The following CSMD1 variants were observed in gnomAD, a reference collection of about 807,000 sequenced individuals.
CSMD1 encodes the protein CUB and Sushi multiple domains 1, also known as CUB and sushi domain-containing protein 1.
CSMD1 carries 213 observed loss-of-function variants against 417.5 expected under a neutral mutation model. The observed-to-expected ratio is 0.51, with a 90% CI of 0.46 to 0.57. The LOEUF (loss-of-function observed/expected upper bound fraction) is 0.57, where lower values mean the gene tolerates loss of function less well. Ranked by LOEUF, CSMD1 falls within the 20% of genes least tolerant of loss-of-function variation. CSMD1 has a pLI of 0.00. For missense variants in CSMD1, 6,923 were observed against 4,529.7 expected (o/e 1.53, Z -15.17); for synonymous variants, 2,862 against 1,736.8 (o/e 1.65, Z -16.11).
chr8:4,976,642 T>C (rs886973711), intron 1 of CSMD1, among the ~76,000 whole-genome samples: 3 of 152,232 alleles, frequency 2.0e-5, no homozygotes, highest in Non-Finnish European at 4.4e-5. Context: ...TCATTTGCTA[T>C]GACCCTCGTC....
intron 1 of CSMD1, among the ~76,000 whole-genome samples, chr8:4,962,855 C>T (rs1298065959): frequency 1.3e-5 from 2 of 152,112 alleles, no homozygotes; most frequent in African/African-American, 4.8e-5. Flanking sequence ...GCTTGGTGTC[C>T]TAAATGCAGA....
intron 25 of CSMD1, among the ~76,000 whole-genome samples, chr8:3,300,542 G>A (rs1476747973): frequency 6.6e-6 from 1 of 151,996 alleles, no homozygotes; most frequent in Non-Finnish European, 1.5e-5. Context: ...AGACATATGA[G>A]GATGCTCACA....
chr8:3,991,671 C>T (rs549621071), intron 5 of CSMD1, among the ~76,000 whole-genome samples: 11 of 152,272 alleles, frequency 7.2e-5, no homozygotes, highest in African/African-American at 2.6e-4. Flanking sequence ...CAGAAGGTTG[C>T]TGAAGAAATT....
chr8:4,698,598 A>AT (rs3990377), intron 1 of CSMD1, among the ~76,000 whole-genome samples: 15,081 of 145,840 alleles, frequency 0.1, 844 homozygotes, highest in South Asian at 0.16. Flanking sequence ...AATGATAGAA[A>AT]TTTTTTTTTT....
chr8:4,870,353 T>G (rs1802664753), intron 1 of CSMD1, among the ~76,000 whole-genome samples: 1 of 152,134 alleles, frequency 6.6e-6, no homozygotes, highest in African/African-American at 2.4e-5. Context: ...TTTTATGCAC[T>G]GCTATTTATT....
At chr8:3,356,605 G>A (rs1808809474) in intron 21 of CSMD1, among the ~76,000 whole-genome samples, 2 of 152,304 alleles carry the variant, frequency 1.3e-5, no homozygotes, top group South Asian at 4.1e-4. Flanking sequence ...AACCTGGGAG[G>A]CAGAGGTTGC....
chr8:4,686,992 A>C (rs1806427284), intron 1 of CSMD1, among the ~76,000 whole-genome samples: 2 of 152,192 alleles, frequency 1.3e-5, no homozygotes, highest in Non-Finnish European at 2.9e-5. Flanking sequence ...TGGCAAGACC[A>C]CTCATGATGC....
chr8:3,048,800 C>G (rs1056568464), intron 50 of CSMD1, among the ~76,000 whole-genome samples: 3 of 151,080 alleles, frequency 2.0e-5, no homozygotes, highest in Non-Finnish European at 2.9e-5. Context: ...AAAGACCAGC[C>G]ACAGACTAGG....
At chr8:3,571,660 C>A (rs565841910) in intron 10 of CSMD1, among the ~76,000 whole-genome samples, 1 of 151,992 alleles carries the variant, frequency 6.6e-6, no homozygotes, top group Admixed American at 6.5e-5. Flanking sequence ...CTGCGCTCCC[C>A]GAGCTCGGGG....
At chr8:4,617,080 G>A (rs1801511909) in intron 2 of CSMD1, among the ~76,000 whole-genome samples, 7 of 151,770 alleles carry the variant, frequency 4.6e-5, no homozygotes. Flanking sequence ...TAGATGTTAA[G>A]ACTCTATATT....
intron 2 of CSMD1, among the ~76,000 whole-genome samples, chr8:4,628,735 GC>G (rs1448162671): frequency 6.6e-5 from 10 of 152,198 alleles, no homozygotes; most frequent in Non-Finnish European, 1.3e-4. Flanking sequence ...CCATCTAAGA[GC>G]CCTCAGGTGA....
chr8:4,713,402 T>A (rs1403087585), intron 1 of CSMD1, among the ~76,000 whole-genome samples: 1 of 151,876 alleles, frequency 6.6e-6, no homozygotes, highest in Non-Finnish European at 1.5e-5. Flanking sequence ...TTGTTTTGTT[T>A]TGTTTTGTTT....
intron 1 of CSMD1, among the ~76,000 whole-genome samples, chr8:4,993,144 T>C (rs531599474): frequency 1.5e-4 from 22 of 151,724 alleles, no homozygotes; most frequent in South Asian, 4.2e-4. Flanking sequence ...GAAAAGAAGA[T>C]GGAAGAATCT....
chr8:4,775,916 C>T (rs1796831472), intron 1 of CSMD1, among the ~76,000 whole-genome samples: 2 of 152,130 alleles, frequency 1.3e-5, no homozygotes, highest in African/African-American at 4.8e-5. Flanking sequence ...GAGTGGCACG[C>T]CGCAGCCATC....
chr8:3,840,853 G>C (rs866200955), intron 5 of CSMD1, among the ~76,000 whole-genome samples: 2 of 151,758 alleles, frequency 1.3e-5, no homozygotes, highest in Admixed American at 6.6e-5. Context: ...ACGTACAGGC[G>C]CCTGTGACTA....
chr8:3,095,784 A>T (rs1268746183), intron 47 of CSMD1, among the ~76,000 whole-genome samples: 2 of 152,238 alleles, frequency 1.3e-5, no homozygotes, highest in African/African-American at 4.8e-5. Context: ...ACGGTTTCAC[A>T]CAAAGAGAAA....
intron 3 of CSMD1, among the ~76,000 whole-genome samples, chr8:4,258,113 T>G (rs1319604789): frequency 6.6e-6 from 1 of 151,180 alleles, no homozygotes; most frequent in African/African-American, 2.4e-5. Flanking sequence ...CCGGCTATTT[T>G]TTTCTATTTT....
chr8:4,125,121 G>T (rs201243277), intron 3 of CSMD1, among the ~76,000 whole-genome samples: 1 of 5,136 alleles, frequency 1.9e-4, no homozygotes, highest in Admixed American at 4.9e-3. Flanking sequence ...CACTTCCATC[G>T]AGAAAAAAAC....
At chr8:4,171,132 T>C (rs1434984790) in intron 3 of CSMD1, among the ~76,000 whole-genome samples, 1 of 151,870 alleles carries the variant, frequency 6.6e-6, no homozygotes, top group Non-Finnish European at 1.5e-5. Context: ...AGGTGAGGTA[T>C]CCATGCTCCT....
Sources: gnomAD v4.1 joint callset for allele counts (sites outside exome capture counted in the v4.1 genomes callset) on GRCh38, gnomAD v4.1.1 for gene constraint, MANE v1.5 for transcripts, NCBI Gene and HGNC (gene_info 2026-07-23, HGNC 2026-07-21) for gene names.